The following SASH1 variants were observed in gnomAD, a reference collection of about 807,000 sequenced individuals.
The protein encoded by SASH1 is SAM and SH3 domain-containing protein 1.
SASH1 carries 44 observed loss-of-function variants against 125.2 expected under a neutral mutation model. The observed-to-expected ratio is 0.35, with a 90% CI of 0.28 to 0.45. The LOEUF is 0.45. SASH1 is among the 20% of genes least tolerant of loss of function. SASH1 has a pLI of 1.00. For synonymous variants in SASH1, 639 were observed against 649.1 expected (o/e 0.98, Z 0.24); for missense variants, 1,426 against 1,614.5 (o/e 0.88, Z 2.00).
In SASH1 at chr6:148,548,305, G is replaced by C; in HGVS notation, c.3491G>C (p.Gly1164Ala). Residue 1164 changes from glycine (G) to alanine (A), a missense_variant, in exon 20 of 20, where the codon GGT becomes GCT. Around this residue, in one of 3 missense-constraint regions of SASH1, gnomAD observed 634 missense variants for 694.4 expected, o/e 0.91. Transcript: ENST00000367467. ...TCTTAATTTATCCAGATTCCAAGTG[G>C]TGGACTCACGGAAATCTGCCGAAAG... ...RKQHRMAIPSGGLTEICRKPV... is the reference protein window; with the variant it reads ...RKQHRMAIPSAGLTEICRKPV... 1 of 1,611,920 alleles carries C rather than the reference G, an allele frequency of 6.2e-7. No individual in the cohort carries two copies. The highest frequency in any genetic ancestry group is 8.5e-7 in the Non-Finnish European group (1 of 1,178,922).
chr6:148,397,479 C>A (rs1369092789), intron 2 of SASH1, among the ~76,000 whole-genome samples: 1 of 151,848 alleles, frequency 6.6e-6, no homozygotes, highest in Non-Finnish European at 1.5e-5. Flanking sequence ...AGTGAGACTC[C>A]GTCTCAAAAA....
intron 1 of SASH1, among the ~76,000 whole-genome samples, chr6:148,326,559 C>T (rs868709055): frequency 4.0e-5 from 6 of 148,834 alleles, no homozygotes; most frequent in Admixed American, 1.4e-4. Context: ...CACGCGCCAC[C>T]GTGGCCAGCT....
Position 148,533,035 on chromosome 6 carries a change from C to T in SASH1, c.1734+69C>T. 2 of 1,529,904 alleles carry T rather than the reference C, an allele frequency of 1.3e-6. No homozygotes were observed. Among genetic ancestry groups the T allele is most frequent in the South Asian group, 1.1e-5 (1 of 87,482 alleles). 94.8% of individuals were successfully genotyped at this position (1,529,904 alleles called of 1,614,324 possible). On this transcript the variant is annotated intron_variant, in intron 14 of 19. Transcript: ENST00000367467. This position sits in a 1 kb window ranked among gnomAD's most constrained non-coding sequence, Gnocchi z 6.2. ...ATTTCTCTAGGAGGCTTTCTTTCCT[C>T]CTCACTGTTGAATGCTGGGCTACTA...
chr6:148,333,993 T>G (rs1029888410), intron 1 of SASH1, among the ~76,000 whole-genome samples: 5 of 151,720 alleles, frequency 3.3e-5, no homozygotes, highest in African/African-American at 1.2e-4. Context: ...TGGCTAATTT[T>G]TTGTATTTTT....
At chr6:148,225,618 A>G in the SASH1 span, among the ~76,000 whole-genome samples, 92 of 152,324 alleles carry the variant, frequency 6.0e-4, no homozygotes, top group African/African-American at 2.1e-3. Flanking sequence ...CACATTGGGT[A>G]CAGCATACAC....
chr6:148,290,166 C>G (rs960291693), intron 1 of SASH1, among the ~76,000 whole-genome samples: 1 of 151,216 alleles, frequency 6.6e-6, no homozygotes, highest in Non-Finnish European at 1.5e-5. Flanking sequence ...CCGTACCCAG[C>G]TTTCTGTGAG....
chr6:148,363,972 G>C (rs1782351116), intron 1 of SASH1, among the ~76,000 whole-genome samples: 2 of 152,142 alleles, frequency 1.3e-5, no homozygotes, highest in Non-Finnish European at 2.9e-5. Flanking sequence ...TCTGATCCCT[G>C]AATAAATTAA....
chr6:148,279,546 C>T (rs186744089), intron 1 of SASH1, among the ~76,000 whole-genome samples: 4 of 152,278 alleles, frequency 2.6e-5, no homozygotes, highest in Admixed American at 2.6e-4. Context: ...TACACAAAAA[C>T]ACTTCCTAGA....
At chr6:148,247,012 A>C in the SASH1 span, among the ~76,000 whole-genome samples, 7 of 152,204 alleles carry the variant, frequency 4.6e-5, no homozygotes, top group African/African-American at 1.4e-4. Flanking sequence ...AGTGCTGCTG[A>C]AAATAAGGGA....
chr6:148,493,867 C>T (rs774381922), intron 8 of SASH1, among the ~76,000 whole-genome samples: 7 of 152,090 alleles, frequency 4.6e-5, no homozygotes, highest in Non-Finnish European at 1.0e-4. Context: ...GAGCTTAGCT[C>T]GATTTCTTAT....
In SASH1 at chr6:148,533,880, A is replaced by C. The variant is rs1781678312; in HGVS notation, c.1844A>C (p.Glu615Ala). Residue 615 changes from glutamate (E) to alanine (A), a missense_variant, in exon 15 of 20, where the codon GAA becomes GCA. Physicochemically the swap from Glu to Ala is moderately radical, Grantham distance 107. Around this residue, in one of 3 missense-constraint regions of SASH1, gnomAD observed 225 missense variants for 344.5 expected, o/e 0.65. Coordinates refer to ENST00000367467, the MANE Select transcript of SASH1 (RefSeq NM_015278.5). The surrounding 1 kb of genome is among the most constrained non-coding windows in gnomAD (Gnocchi z 6.2). ...TTCATCTACGTGGACGTGCTCAGTG[A>C]AGACGAGGAGAAACCCAAACGCCCC... Reference protein sequence around the residue: ...FKFIYVDVLSEDEEKPKRPTR... With the variant: ...FKFIYVDVLSADEEKPKRPTR... The C allele has an allele frequency of 2.5e-6, 4 of 1,614,074 alleles. No homozygotes were observed. Among genetic ancestry groups the C allele is most frequent in the Non-Finnish European group, 3.4e-6 (4 of 1,179,978 alleles).
At chr6:148,324,628 C>A (rs2114582398) in intron 1 of SASH1, among the ~76,000 whole-genome samples, 1 of 152,278 alleles carries the variant, frequency 6.6e-6, no homozygotes, top group East Asian at 1.9e-4. Context: ...AAAGTAGATT[C>A]TTTAGTGTTT....
chr6:148,426,489 T>C (rs1348482002), intron 2 of SASH1, among the ~76,000 whole-genome samples: 2 of 152,198 alleles, frequency 1.3e-5, no homozygotes, highest in South Asian at 2.1e-4. Context: ...TGCTCTGGTT[T>C]CCATTGTCCC....
At chr6:148,524,121 A>ATATATATATATATATAT (rs1193506716) in intron 10 of SASH1, among the ~76,000 whole-genome samples, 35 of 128,592 alleles carry the variant, frequency 2.7e-4, no homozygotes, top group East Asian at 1.1e-3. Context: ...ATATATATAT[A>ATATATATATATATATAT]TTTTTTTTAA....
chr6:148,245,598 CT>C, the SASH1 span, among the ~76,000 whole-genome samples: 1 of 152,040 alleles, frequency 6.6e-6, no homozygotes, highest in Non-Finnish European at 1.5e-5. Flanking sequence ...ACTGAAGGGA[CT>C]TTTTTCTTTC....
intron 2 of SASH1, among the ~76,000 whole-genome samples, chr6:148,391,863 G>T (rs1783741368): frequency 6.6e-6 from 1 of 152,174 alleles, no homozygotes; most frequent in Non-Finnish European, 1.5e-5. Context: ...AAGAAGTGGG[G>T]TTGAGGCAGA....
At chr6:148,285,804 A>G (rs1201748395) in intron 1 of SASH1, among the ~76,000 whole-genome samples, 4 of 152,208 alleles carry the variant, frequency 2.6e-5, no homozygotes, top group Non-Finnish European at 4.4e-5. Flanking sequence ...ATGCAAACAC[A>G]TAATTAAGGT....
At chr6:148,432,629 C>G (rs973051477) in intron 2 of SASH1, among the ~76,000 whole-genome samples, 1 of 152,192 alleles carries the variant, frequency 6.6e-6, no homozygotes, top group Non-Finnish European at 1.5e-5. Flanking sequence ...CTGAGCTGAG[C>G]TGGTGGGCGC....
chr6:148,525,406 C>T (rs1380578125), intron 11 of SASH1, 41 bp downstream of exon 11: 16 of 1,436,172 alleles, frequency 1.1e-5, no homozygotes, highest in African/African-American at 4.2e-5. Context: ...TGGATTCAGG[C>T]GATGAGGTTG....
Sources: gnomAD v4.1 joint callset for allele counts (sites outside exome capture counted in the v4.1 genomes callset) on GRCh38, gnomAD v4.1.1 for gene constraint, gnomAD v4.1.1 regional missense constraint, Gnocchi (gnomAD v3.1) non-coding constraint, MANE v1.5 for transcripts, NCBI Gene and HGNC (gene_info 2026-07-23, HGNC 2026-07-21) for gene names.